The following PPEF2 variants were observed in gnomAD, a reference collection of about 807,000 sequenced individuals.
The protein encoded by PPEF2 is protein phosphatase with EF-hand domain 2.
Under a neutral mutation model 84.7 loss-of-function variants are expected in PPEF2, and 84 were observed. The ratio of observed to expected loss-of-function variants is 0.99; its 90% confidence interval spans 0.83 to 1.19. PPEF2 has a LOEUF of 1.19. Among genes scored for constraint, PPEF2 ranks in the 50% most tolerant of loss-of-function variants. The pLI is 0.00. For synonymous variants in PPEF2, 346 were observed against 345.2 expected (o/e 1.00, Z -0.03); for missense variants, 924 against 937.5 (o/e 0.99, Z 0.19).
intron 13 of PPEF2, among the ~76,000 whole-genome samples, 199 bp downstream of exon 13, chr4:75,871,826 G>C (rs1233892210): frequency 6.6e-6 from 1 of 152,122 alleles, no homozygotes; most frequent in Non-Finnish European, 1.5e-5. Flanking sequence ...TGGGTAGATA[G>C]AGCTATTAGG....
chr4:75,884,774 A>C lies in PPEF2; in HGVS notation c.580-14T>G. 1 of 1,559,370 alleles carries C rather than the reference A, an allele frequency of 6.4e-7. No individual in the cohort carries two copies. The highest frequency in any genetic ancestry group is 1.4e-5 in the African/African-American group (1 of 73,028). ...CGGGAGGCCATTCTTTTCAACAAGG[A>C]GACCAGTGAAAGAATGAATGGGAGG... On this transcript the variant is annotated splice_polypyrimidine_tract_variant and intron_variant, in intron 7 of 16. Coordinates refer to ENST00000286719, the MANE Select transcript of PPEF2 (RefSeq NM_006239.3).
At position 75,860,496 on chromosome 4, in the gene PPEF2, A is replaced by G. The variant is rs760054882; in HGVS notation, c.*171T>C. On this transcript the variant is annotated 3_prime_UTR_variant, in exon 17 of 17. Coordinates refer to ENST00000286719, the MANE Select transcript of PPEF2 (RefSeq NM_006239.3). ...GCACTCATATACTTAAAACACATAC[A>G]TACACAACACCCCAACCCACCCCTC... is the stretch of plus-strand genomic sequence containing the variant. The G allele has an allele frequency of 3.5e-5, 29 of 825,048 alleles. No homozygotes were observed. Among genetic ancestry groups the G allele is most frequent in the Admixed American group, 5.7e-5 (2 of 35,212 alleles). 51.1% of individuals were successfully genotyped at this position (825,048 alleles called of 1,614,324 possible).
At chr4:75,890,999 A>G (rs1724863688) in intron 4 of PPEF2, among the ~76,000 whole-genome samples, 1 of 152,084 alleles carries the variant, frequency 6.6e-6, no homozygotes, top group South Asian at 2.1e-4. Context: ...CCTGGTTAAC[A>G]TGGTGAAAGC....
Position 75,884,608 on chromosome 4 carries a change from A to G in PPEF2, c.732T>C (p.His244=), listed in dbSNP as rs771402936. 3 of 1,603,350 alleles carry G rather than the reference A, an allele frequency of 1.9e-6. No individual in the cohort carries two copies. The highest frequency in any genetic ancestry group is 1.1e-5 in the South Asian group (1 of 88,444). Residue 244 remains histidine (H), a synonymous_variant, in exon 8 of 17, where the codon CAT becomes CAC. Transcript: ENST00000286719. ...TTGACTTGTACCGTAAGTTCACCAT[A>G]TGGTCCTCATGGTTTCCTCTGTTAA... ...FHLNRGNHED[H]MVNLRYGFTK...
Position 75,873,165 on chromosome 4 carries a change from A to C in PPEF2, c.1468T>G (p.Cys490Gly). 1 of 1,614,172 alleles carries C rather than the reference A, an allele frequency of 6.2e-7. No individual in the cohort carries two copies. The change falls in exon 12 of 17, where the codon TGC (cysteine) becomes GGC (glycine). Residue 490 changes from cysteine to glycine, a missense_variant. Physicochemically the swap from Cys to Gly is radical, Grantham distance 159. Transcript: ENST00000286719. ...CAGAATTCATAGCCTTCAGGTTTGC[A>C]TTCATGTGAACGGATCAGGAATTGC... ...NMQFLIRSHE[C>G]KPEGYEFCHN...
intron 13 of PPEF2, among the ~76,000 whole-genome samples, chr4:75,868,672 G>C (rs1311542595): frequency 6.6e-6 from 1 of 151,942 alleles, no homozygotes; most frequent in African/African-American, 2.4e-5. Flanking sequence ...CTCCAGCCTG[G>C]ACAACCAGAA....
intron 7 of PPEF2, among the ~76,000 whole-genome samples, chr4:75,885,946 T>C (rs996699007): frequency 3.3e-5 from 5 of 151,498 alleles, no homozygotes; most frequent in Admixed American, 6.6e-5. Context: ...GACGCGGAGG[T>C]TGCAGTGAGC....
chr4:75,884,559 A>C (rs777231505), intron 8 of PPEF2, 35 bp downstream of exon 8: 1 of 1,522,246 alleles, frequency 6.6e-7, no homozygotes, highest in South Asian at 1.3e-5. Flanking sequence ...TACAACAAAC[A>C]AACATCAAAT....
rs544413220 is a variant in PPEF2 at position 75,872,018 on chromosome 4, G to T, written c.1649+7C>A. 1.9e-6 allele frequency: 3 copies of T among 1,577,502 alleles called. No homozygotes were observed. The highest frequency in any genetic ancestry group is 2.6e-6 in the Non-Finnish European group (3 of 1,166,526). On this transcript the variant is annotated splice_region_variant and intron_variant, in intron 13 of 16. Transcript: ENST00000286719. Reference sequence around the variant, plus strand: ...TTTTCTGAAAATCACTCATTGAAAAGTCTTGCCTTTGCCTCATGGTGAGTG... The same window carrying T: ...TTTTCTGAAAATCACTCATTGAAAATTCTTGCCTTTGCCTCATGGTGAGTG...
At chr4:75,893,503 C>CAT (rs1030828725) in intron 2 of PPEF2, among the ~76,000 whole-genome samples, 2 of 150,338 alleles carry the variant, frequency 1.3e-5, no homozygotes, top group Admixed American at 6.6e-5. Flanking sequence ...CACACACACA[C>CAT]ACACACTCAC....
In PPEF2 at chr4:75,866,227, A is replaced by G; in HGVS notation, c.1882T>C (p.Trp628Arg). The G allele has an allele frequency of 6.2e-7, 1 of 1,613,974 alleles. No individual in the cohort carries two copies. Among genetic ancestry groups the G allele is most frequent in the Non-Finnish European group, 8.5e-7 (1 of 1,179,940 alleles). Residue 628 changes from tryptophan to arginine, a missense_variant, in exon 15 of 17, where the codon TGG (tryptophan) becomes CGG (arginine). Transcript: ENST00000286719. ...SADNMLEYKS[W>R]LKNLAKEQLS... ...TGTTCCTTGGCCAAGTTCTTCAGCCAAGACTTGTACTCCAGCATGTTGTCT... is the reference window on the plus strand; with the variant it reads ...TGTTCCTTGGCCAAGTTCTTCAGCCGAGACTTGTACTCCAGCATGTTGTCT...
intron 1 of PPEF2, among the ~76,000 whole-genome samples, chr4:75,901,000 T>G (rs1023220741): frequency 4.6e-5 from 7 of 152,182 alleles, no homozygotes; most frequent in Admixed American, 6.5e-5. Context: ...CTATTAACAG[T>G]AATTACCTCT....
rs1416162649 is a variant in PPEF2 at position 75,872,087 on chromosome 4, C to G, written c.1587G>C (p.Leu529=). ...CTTGATACTGCACAATATGTGGGGT[C>G]AGGGCTGGCCCCAGTTTGACATAGG... is the stretch of plus-strand genomic sequence containing the variant. The part of the protein sequence containing the change: ...RGAYVKLGPA[L]TPHIVQYQAN... The change falls in exon 13 of 17, where the codon CTG becomes CTC. Residue 529 remains leucine, a synonymous_variant. Transcript: ENST00000286719. The G allele has an allele frequency of 6.2e-7, 1 of 1,613,858 alleles. No individual in the cohort carries two copies. Among genetic ancestry groups the G allele is most frequent in the South Asian group, 1.1e-5 (1 of 91,066 alleles).
chr4:75,884,923 C>T (rs1192622806), intron 7 of PPEF2, 163 bp from the exon 8 acceptor site: 2 of 602,298 alleles, frequency 3.3e-6, no homozygotes, highest in Non-Finnish European at 5.6e-6. Flanking sequence ...GAAGTATCTT[C>T]TATTGGTCTT....
intron 1 of PPEF2, among the ~76,000 whole-genome samples, chr4:75,899,765 C>T (rs1725079856): frequency 8.3e-6 from 1 of 120,266 alleles, no homozygotes; most frequent in South Asian, 4.0e-4. Context: ...AAGTGAGAAG[C>T]CATCATGTCC....
intron 10 of PPEF2, among the ~76,000 whole-genome samples, chr4:75,879,278 G>A (rs919625410): frequency 2.0e-5 from 3 of 152,110 alleles, no homozygotes; most frequent in African/African-American, 7.2e-5. Flanking sequence ...TTATATTAAG[G>A]TCTAGATTTT....
At chr4:75,892,029 G>C (rs747788431) in intron 2 of PPEF2, 51 bp from the exon 3 acceptor site, 3 of 1,597,118 alleles carry the variant, frequency 1.9e-6, no homozygotes, top group Middle Eastern at 1.7e-4. Flanking sequence ...CCCTGGGCCA[G>C]GGGTTTGGGG....
Position 75,888,334 on chromosome 4 carries a change from G to A in PPEF2, c.418-6C>T. On this transcript the variant is annotated splice_region_variant and splice_polypyrimidine_tract_variant and intron_variant, in intron 5 of 16. Coordinates refer to ENST00000286719, the MANE Select transcript of PPEF2 (RefSeq NM_006239.3). ...ACGTAGCGAGCATGGAGCTGCTACT[G>A]GGAGGAAGAGGAGGGAAGGAAGAAA... 7 of 1,594,720 alleles carry A rather than the reference G, an allele frequency of 4.4e-6. No homozygotes were observed. Among genetic ancestry groups the A allele is most frequent in the Non-Finnish European group, 6.0e-6 (7 of 1,162,502 alleles).
In PPEF2 at chr4:75,891,723, G is replaced by A. The variant is rs757105330; in HGVS notation, c.184-18C>T. On this transcript the variant is annotated intron_variant, in intron 3 of 16. Transcript: ENST00000286719. ...TCATGGAGCTGCAGAAGAACCCAAG[G>A]AGACGTGGCTTTAGAGGTGAGCGAA... 6.2e-7 allele frequency: 1 copy of A among 1,608,698 alleles called. No individual in the cohort carries two copies. Among genetic ancestry groups the A allele is most frequent in the South Asian group, 1.1e-5 (1 of 89,980 alleles).
Sources: gnomAD v4.1 joint callset for allele counts (sites outside exome capture counted in the v4.1 genomes callset) on GRCh38, gnomAD v4.1.1 for gene constraint, MANE v1.5 for transcripts, NCBI Gene and HGNC (gene_info 2026-07-23, HGNC 2026-07-21) for gene names.